SLC2A14: variants seen among roughly 807,000 people sequenced by gnomAD.
SLC2A14 encodes solute carrier family 2, facilitated glucose transporter member 14.
SLC2A14 carries 13 observed loss-of-function variants against 43.0 expected under a neutral mutation model. The observed-to-expected ratio is 0.30, with a 90% CI of 0.20 to 0.48. The LOEUF (loss-of-function observed/expected upper bound fraction) is 0.48, where lower values mean the gene tolerates loss of function less well. Ranked by LOEUF, SLC2A14 falls within the 20% of genes least tolerant of loss-of-function variation. The pLI, the probability that SLC2A14 is intolerant of heterozygous loss-of-function variation, is 0.99. For missense variants in SLC2A14, 428 were observed against 620.4 expected (o/e 0.69, Z 3.29); for synonymous variants, 190 against 233.8 (o/e 0.81, Z 1.71).
chr12:7,870,378 C>A (rs1945159008), intron 1 of SLC2A14, among the ~76,000 whole-genome samples: 1 of 152,034 alleles, frequency 6.6e-6, no homozygotes, highest in Non-Finnish European at 1.5e-5. Context: ...CTCCTCATAG[C>A]ATCACCTTAG....
At chr12:7,836,097 C>T (rs1592202692) in intron 2 of SLC2A14, among the ~76,000 whole-genome samples, 1 of 152,210 alleles carries the variant, frequency 6.6e-6, no homozygotes, top group East Asian at 1.9e-4. Flanking sequence ...CACATCAGGG[C>T]TAGGTGAATT....
At chr12:7,850,060 G>A (rs1012320174) in intron 2 of SLC2A14, among the ~76,000 whole-genome samples, 2 of 149,142 alleles carry the variant, frequency 1.3e-5, no homozygotes, top group East Asian at 2.0e-4. Context: ...CAAGAATCAC[G>A]AGATTTTATT....
upstream of SLC2A14, among the ~76,000 whole-genome samples, chr12:7,874,601 G>A (rs762110168): frequency 1.3e-5 from 2 of 150,486 alleles, no homozygotes; most frequent in South Asian, 2.1e-4. Context: ...GAACCCGGGA[G>A]GTGGAGGTTG....
chr12:7,829,693 T>C, intron 5 of SLC2A14, 73 bp downstream of exon 5: 3 of 1,577,242 alleles, frequency 1.9e-6, no homozygotes, highest in Non-Finnish European at 2.6e-6. Flanking sequence ...TATTCTTCAG[T>C]GCTTTACCTA....
chr12:7,831,622 A>C lies in SLC2A14; in HGVS notation c.254T>G (p.Phe85Cys). ...GMIGSFSVGL[F>C]VNRFGRRNSM... Reference sequence around the variant, plus strand: ...TCAATACCTGCCAAAGCGGTTAACAAAGAGTCCGACGGAAAAGGAGCCGAT... The same window carrying C: ...TCAATACCTGCCAAAGCGGTTAACACAGAGTCCGACGGAAAAGGAGCCGAT... The change falls in exon 4 of 11, where the codon TTT becomes TGT. Residue 85 changes from phenylalanine (F) to cysteine (C), a missense_variant. Transcript: ENST00000431042. 6.2e-7 allele frequency: 1 copy of C among 1,614,182 alleles called. No homozygotes were observed. The highest frequency in any genetic ancestry group is 8.5e-7 in the Non-Finnish European group (1 of 1,180,040).
intron 7 of SLC2A14, among the ~76,000 whole-genome samples, chr12:7,826,160 T>C (rs1422494841): frequency 2.0e-5 from 3 of 152,010 alleles, no homozygotes; most frequent in Admixed American, 1.3e-4. Flanking sequence ...ATGAGGAAAT[T>C]TGAGACTGGG....
In SLC2A14 at chr12:7,839,924, C is replaced by CAAA. The variant is rs57569188; in HGVS notation, c.19-7113_19-7111dup. Reference sequence around the variant, plus strand: ...GCGACACAAGGAGACCCTGTCTCTACAAAAAAAAAAAAAAAAAAAAAAAAA... The same window carrying CAAA: ...GCGACACAAGGAGACCCTGTCTCTACAAAAAAAAAAAAAAAAAAAAAAAAAAAA... On this transcript the variant is annotated intron_variant, in intron 2 of 10. Coordinates refer to ENST00000431042, the MANE Select transcript of SLC2A14 (RefSeq NM_001286234.2). 1.6e-4 allele frequency: 27 copies of CAAA among 168,112 alleles called. 1 individual carries two copies. Among genetic ancestry groups the CAAA allele is most frequent in the Non-Finnish European group, 2.2e-4 (19 of 86,992 alleles). The allele number at this position is 168,112 out of a possible 1,614,324, so 10.4% of individuals were successfully genotyped here.
chr12:7,815,663 G>A (rs1159478248), intron 10 of SLC2A14, among the ~76,000 whole-genome samples: 3 of 151,938 alleles, frequency 2.0e-5, no homozygotes, highest in East Asian at 1.9e-4. Flanking sequence ...AGCATCCTCC[G>A]CCTCCCAGGT....
exon 1 of SLC2A14, chr12:7,891,071 A>G (rs1360935919): frequency 5.9e-6 from 9 of 1,535,172 alleles, no homozygotes; most frequent in East Asian, 2.4e-5. Context: ...GCCGCATTTC[A>G]TCTCCTTGTT....
chr12:7,818,560 G>C (rs1863669210), intron 9 of SLC2A14, among the ~76,000 whole-genome samples: 1 of 152,162 alleles, frequency 6.6e-6, no homozygotes. Flanking sequence ...TACCAGGGAG[G>C]CTGAGGCAGG....
In SLC2A14 at chr12:7,842,138, T is replaced by C. The variant is rs140339545; in HGVS notation, c.19-9324A>G. On this transcript the variant is annotated intron_variant, in intron 2 of 10. Coordinates refer to ENST00000431042, the MANE Select transcript of SLC2A14 (RefSeq NM_001286234.2). ...CCAGAATGTCATACAGTTGGAGTCA[T>C]ACATTATGTAGCCTTTTCAGATTGG... is the stretch of plus-strand genomic sequence containing the variant. Among the ~76,000 whole-genome samples the C allele has an allele frequency of 5.7e-3, 866 of 152,318 alleles. 7 individuals carry two copies. The highest frequency in any genetic ancestry group is 0.019 in the African/African-American group (786 of 41,566).
chr12:7,863,348 T>C lies in SLC2A14; in HGVS notation c.18+6515A>G, dbSNP rs1391370380. 3.5e-5 allele frequency: 16 copies of C among 452,798 alleles called. No individual in the cohort carries two copies. In the East Asian group the frequency reaches 1.1e-3, roughly 30 times the overall value. The allele number at this position is 452,798 out of a possible 1,614,324, so 28.0% of individuals were successfully genotyped here. On this transcript the variant is annotated intron_variant, in intron 2 of 10. Transcript: ENST00000431042. ...AAGGGAGGGACTCCAGACGCACCAC[T>C]TTAAGGGCTGTAACACTCACTGCGA...
Position 7,826,954 on chromosome 12 carries a change from CTTCTCTCTCT to C in SLC2A14, c.864+531_864+540del, listed in dbSNP as rs1433640894. On this transcript the variant is annotated intron_variant, in intron 7 of 10. Transcript: ENST00000431042. ...TCCTTTCCTTTCCTTTCTTTCCTTT[CTTCTCTCTCT>C]TTCTCTCTCTCTTTCTCTCCTTTCT... 3.2e-5 allele frequency among the ~76,000 whole-genome samples: 4 copies of C among 125,774 alleles called. 1 individual carries two copies. The highest frequency in any genetic ancestry group is 6.5e-5 in the Non-Finnish European group (4 of 61,904). 82.5% of individuals were successfully genotyped at this position (125,774 alleles called of 152,430 possible).
At chr12:7,885,056 T>C (rs183741761) in intron 1 of SLC2A14, among the ~76,000 whole-genome samples, 1 of 152,254 alleles carries the variant, frequency 6.6e-6, no homozygotes, top group African/African-American at 2.4e-5. Context: ...TAGAATTTGG[T>C]ATACATAGTA....
intron 2 of SLC2A14, among the ~76,000 whole-genome samples, chr12:7,842,347 T>C (rs1281505228): frequency 6.6e-6 from 1 of 152,152 alleles, no homozygotes; most frequent in Non-Finnish European, 1.5e-5. Flanking sequence ...CGTTTGCAGG[T>C]TTTCATGTAG....
chr12:7,882,085 T>C (rs920149719), intron 1 of SLC2A14, among the ~76,000 whole-genome samples: 1 of 152,044 alleles, frequency 6.6e-6, no homozygotes, highest in Non-Finnish European at 1.5e-5. Flanking sequence ...CTTTCTACAC[T>C]TGGAGGCTTT....
Position 7,855,825 on chromosome 12 carries a change from C to T in SLC2A14, c.18+14038G>A, listed in dbSNP as rs942406799. 3.3e-5 allele frequency among the ~76,000 whole-genome samples: 5 copies of T among 151,472 alleles called. 1 individual carries two copies. Among genetic ancestry groups the T allele is most frequent in the Non-Finnish European group, 7.4e-5 (5 of 67,890 alleles). Reference sequence around the variant, plus strand: ...CTAATTTTTGTATTTTTAGTAGAAACGGGGTTTCACCATGTTAGCCAGGAT... The same window carrying T: ...CTAATTTTTGTATTTTTAGTAGAAATGGGGTTTCACCATGTTAGCCAGGAT... On this transcript the variant is annotated intron_variant, in intron 2 of 10. Coordinates refer to ENST00000431042, the MANE Select transcript of SLC2A14 (RefSeq NM_001286234.2).
rs1448661642 is a variant in SLC2A14, at chr12:7,831,682, G to A, written c.194C>T (p.Ser65Phe). 4 of 1,614,096 alleles carry A rather than the reference G, an allele frequency of 2.5e-6. No homozygotes were observed. The highest frequency in any genetic ancestry group is 3.4e-6 in the Non-Finnish European group (4 of 1,180,058). The change falls in exon 4 of 11, where the codon TCC (serine) becomes TTC (phenylalanine). Residue 65 changes from serine (S) to phenylalanine (F), a missense_variant. Physicochemically the swap from Ser to Phe is radical, Grantham distance 155 (BLOSUM62 -2). Transcript: ENST00000431042. ...PSEVLLTNLW[S>F]LSVAIFSVGG... Reference sequence around the variant, plus strand: ...GACGGAAAATATGGCCACAGACAAGGACCAGAGATTCGTGAGCAGCACCTC... The same window carrying A: ...GACGGAAAATATGGCCACAGACAAGAACCAGAGATTCGTGAGCAGCACCTC...
chr12:7,869,656 G>C (rs1945120470), intron 2 of SLC2A14, among the ~76,000 whole-genome samples: 1 of 151,978 alleles, frequency 6.6e-6, no homozygotes, highest in Non-Finnish European at 1.5e-5. Flanking sequence ...AGCACAAAAG[G>C]CTGCAAATGG....
Sources: gnomAD v4.1 joint callset for allele counts (sites outside exome capture counted in the v4.1 genomes callset) on GRCh38, gnomAD v4.1.1 for gene constraint, MANE v1.5 for transcripts, NCBI Gene and HGNC (gene_info 2026-07-23, HGNC 2026-07-21) for gene names.